The following EYA3 variants were observed in gnomAD, a reference collection of about 807,000 sequenced individuals.
The protein encoded by EYA3 is EYA transcriptional coactivator and phosphatase 3.
A neutral mutation model predicts 80.0 loss-of-function variants in EYA3; 39 were observed. That is an observed-to-expected ratio of 0.49 (90% CI 0.38 to 0.64). The LOEUF is 0.64. Ranked by LOEUF, EYA3 falls within the 30% of genes least tolerant of loss-of-function variation. The pLI is 0.00. For missense variants in EYA3, 523 were observed against 676.1 expected (o/e 0.77, Z 2.51); for synonymous variants, 206 against 232.8 (o/e 0.88, Z 1.05).
intron 3 of EYA3, 146 bp from the exon 4 acceptor site, chr1:28,042,796 A>G: frequency 1.5e-6 from 1 of 660,382 alleles, no homozygotes; most frequent in Middle Eastern, 2.5e-4. Flanking sequence ...ATTTTTAACA[A>G]CTACTTGAAG....
chr1:28,083,266 A>G (rs949620837), intron 1 of EYA3, among the ~76,000 whole-genome samples: 1 of 152,232 alleles, frequency 6.6e-6, no homozygotes, highest in Non-Finnish European at 1.5e-5. Flanking sequence ...TCACGCCTGT[A>G]ATCTCAGCAC....
chr1:28,066,618 A>C (rs999427326), intron 1 of EYA3, among the ~76,000 whole-genome samples: 2 of 152,154 alleles, frequency 1.3e-5, no homozygotes, highest in African/African-American at 4.8e-5. Context: ...CAGTAAGCTT[A>C]TCTCACTATG....
At chr1:28,042,538 T>A (rs1182616062) in intron 4 of EYA3, 33 bp downstream of exon 4, 9 of 1,572,620 alleles carry the variant, frequency 5.7e-6, no homozygotes, top group African/African-American at 1.3e-5. Context: ...TATAGGAATA[T>A]CTGTTCAATC....
At chr1:28,073,817 T>C (rs1051959692) in intron 1 of EYA3, among the ~76,000 whole-genome samples, 2 of 152,198 alleles carry the variant, frequency 1.3e-5, no homozygotes, top group Non-Finnish European at 1.5e-5. Flanking sequence ...ATTAAATGTA[T>C]GTAAATTATA....
chr1:28,034,848 C>G (rs1296094832), intron 6 of EYA3, among the ~76,000 whole-genome samples: 1 of 152,074 alleles, frequency 6.6e-6, no homozygotes, highest in African/African-American at 2.4e-5. Context: ...TTTTAATTTT[C>G]TGGCACCCAT....
chr1:28,058,627 A>C (rs745425616), intron 1 of EYA3, among the ~76,000 whole-genome samples: 9 of 152,354 alleles, frequency 5.9e-5, no homozygotes, highest in Middle Eastern at 3.4e-3. Context: ...TCTGCATCTC[A>C]ATAATAAAAA....
chr1:28,019,608 G>A (rs1195563333), intron 7 of EYA3, among the ~76,000 whole-genome samples: 1 of 152,176 alleles, frequency 6.6e-6, no homozygotes, highest in African/African-American at 2.4e-5. Context: ...TCCCCAGCAA[G>A]TCCATTTTTA....
intron 11 of EYA3, among the ~76,000 whole-genome samples, chr1:28,003,228 C>T (rs1361238566): frequency 6.6e-6 from 1 of 151,932 alleles, no homozygotes; most frequent in Non-Finnish European, 1.5e-5. Context: ...TGAGATCACG[C>T]CATTGCACTC....
chr1:27,984,109 C>T (rs1161332626), intron 16 of EYA3, among the ~76,000 whole-genome samples: 1 of 152,214 alleles, frequency 6.6e-6, no homozygotes, highest in African/African-American at 2.4e-5. Context: ...TCACAGCTCA[C>T]TGCAGCCTCC....
intron 1 of EYA3, among the ~76,000 whole-genome samples, chr1:28,064,954 T>C (rs1171601201): frequency 6.6e-6 from 1 of 152,290 alleles, no homozygotes; most frequent in Middle Eastern, 3.4e-3. Context: ...GAAAATACCT[T>C]AAATAAAGAG....
chr1:28,069,667 G>C (rs1644956196), intron 1 of EYA3, among the ~76,000 whole-genome samples: 1 of 150,788 alleles, frequency 6.6e-6, no homozygotes, highest in Non-Finnish European at 1.5e-5. Context: ...AGGAAGAGAG[G>C]AGGGGGGAAA....
At chr1:28,062,657 G>GGTGTGTGTGTGTGTGTGTGTGTGTGT (rs71027260) in intron 1 of EYA3, among the ~76,000 whole-genome samples, 168 of 141,624 alleles carry the variant, frequency 1.2e-3, no homozygotes, top group Middle Eastern at 3.5e-3. Context: ...AATATATGTA[G>GGTGTGTGTGTGTGTGTGTGTGTGTGT]GTGTGTGTGT....
intron 16 of EYA3, among the ~76,000 whole-genome samples, chr1:27,978,730 G>A (rs1639109528): frequency 6.6e-6 from 1 of 152,154 alleles, no homozygotes; most frequent in Non-Finnish European, 1.5e-5. Context: ...TTGGGAGACC[G>A]AGGCGGGCGA....
intron 10 of EYA3, among the ~76,000 whole-genome samples, chr1:28,006,039 A>T (rs1447375897): frequency 1.3e-5 from 2 of 151,942 alleles, no homozygotes; most frequent in Non-Finnish European, 2.9e-5. Flanking sequence ...CAGGAGGCAG[A>T]GGTTGCAGTG....
intron 16 of EYA3, among the ~76,000 whole-genome samples, chr1:27,981,178 G>A (rs904416022): frequency 6.6e-6 from 1 of 152,224 alleles, no homozygotes; most frequent in Admixed American, 6.5e-5. Context: ...AAGTGAAAAA[G>A]TATTTCTTCT....
At chr1:27,979,493 GCAGA>G (rs1289163655) in intron 16 of EYA3, among the ~76,000 whole-genome samples, 1 of 152,182 alleles carries the variant, frequency 6.6e-6, no homozygotes, top group Non-Finnish European at 1.5e-5. Context: ...TCTCAGAACT[GCAGA>G]CAGTTTTGAG....
intron 1 of EYA3, among the ~76,000 whole-genome samples, chr1:28,066,164 G>GA (rs146487406): frequency 0.014 from 2,136 of 152,252 alleles, 52 homozygotes; most frequent in African/African-American, 0.047. Context: ...ACCCAGGCAG[G>GA]AAAGAGCAAA....
chr1:27,976,794 T>C (rs1240912589), intron 17 of EYA3, among the ~76,000 whole-genome samples: 1 of 152,176 alleles, frequency 6.6e-6, no homozygotes, highest in Admixed American at 6.5e-5. Flanking sequence ...CTCGGCTCAC[T>C]GCAACCTCCG....
chr1:28,000,587 C>G (rs568047493), intron 11 of EYA3, among the ~76,000 whole-genome samples: 108 of 148,576 alleles, frequency 7.3e-4, no homozygotes, highest in African/African-American at 2.6e-3. Context: ...GCTGGGATTA[C>G]AGGTGTGAGC....
Sources: gnomAD v4.1 joint callset for allele counts (sites outside exome capture counted in the v4.1 genomes callset) on GRCh38, gnomAD v4.1.1 for gene constraint, MANE v1.5 for transcripts, NCBI Gene and HGNC (gene_info 2026-07-23, HGNC 2026-07-21) for gene names.